Variants in SMARCA4 observed in about 807,000 individuals in gnomAD.
SMARCA4 encodes the protein SWI/SNF-related matrix-associated actin-dependent regulator of chromatin subfamily A member 4.
SMARCA4 carries 31 observed loss-of-function variants against 193.9 expected under a neutral mutation model. That is an observed-to-expected ratio of 0.16 (90% CI 0.12 to 0.22). SMARCA4 has a LOEUF of 0.22. SMARCA4 is among the 10% of genes least tolerant of loss of function. SMARCA4 has a pLI of 1.00. For synonymous variants in SMARCA4, 942 were observed against 933.1 expected, an observed-to-expected ratio of 1.01 and a Z score of -0.17; for missense variants, 1,148 against 2,296.0, an observed-to-expected ratio of 0.50 and a Z score of 10.22.
chr19:10,971,333 A>G (rs73011374), intron 1 of SMARCA4, among the ~76,000 whole-genome samples: 35,423 of 152,094 alleles, frequency 0.23, 4,140 homozygotes, highest in South Asian at 0.26. Context: ...GTAGATAAAT[A>G]ACCACATGGT....
At chr19:10,990,176 C>CA (rs1412142964) in intron 7 of SMARCA4, among the ~76,000 whole-genome samples, 1 of 150,858 alleles carries the variant, frequency 6.6e-6, no homozygotes. Flanking sequence ...TTTTTTGAAA[C>CA]AGAGTCTCAC....
intron 8 of SMARCA4, among the ~76,000 whole-genome samples, chr19:10,993,838 G>A (rs1284598629): frequency 6.6e-6 from 1 of 151,792 alleles, no homozygotes; most frequent in African/African-American, 2.4e-5. Context: ...GTAGAGACGG[G>A]GTTTCACCAT....
intron 1 of SMARCA4, among the ~76,000 whole-genome samples, chr19:10,977,245 CTG>C (rs1348512613): frequency 2.6e-5 from 4 of 152,136 alleles, no homozygotes; most frequent in Non-Finnish European, 2.9e-5. Flanking sequence ...TCTGTTGTTC[CTG>C]AGCATTGCGG....
At chr19:11,026,228 T>C (rs1321497895) in intron 22 of SMARCA4, 72 bp from the exon 23 acceptor site, 1 of 1,180,060 alleles carries the variant, frequency 8.5e-7, no homozygotes, top group Non-Finnish European at 1.3e-6. Context: ...GCACGAGCGG[T>C]GTGTGCGGAC....
chr19:10,962,022 G>A lies in SMARCA4; in HGVS notation c.-32+848G>A, dbSNP rs1037383161. ...AGTGACTCCTTGGGGAAAGTAGCAA[G>A]GGAATAAGCGGAAAAGCCGCTTCGC... On this transcript the variant is annotated intron_variant, in intron 1 of 34. Coordinates refer to ENST00000344626, the MANE Select transcript of SMARCA4 (RefSeq NM_003072.5). Among the ~76,000 whole-genome samples, 201 of 146,334 alleles carry A rather than the reference G, an allele frequency of 1.4e-3. 1 individual carries two copies. Among genetic ancestry groups the A allele is most frequent in the African/African-American group, 5.0e-3 (195 of 39,200 alleles).
At position 11,039,527 on chromosome 19, in the gene SMARCA4, C is replaced by T. The variant is rs746165832; in HGVS notation, c.4171-1780C>T. On this transcript the variant is annotated intron_variant, in intron 29 of 34. Transcript: ENST00000344626. ...ACGTGGGCTACAATTCCAGCGTGGC[C>T]TTCAGTTCTGCACACGTGCGTCAAA... The T allele has an allele frequency of 3.1e-6, 5 of 1,603,074 alleles. No individual in the cohort carries two copies. The highest frequency in any genetic ancestry group is 2.6e-6 in the Non-Finnish European group (3 of 1,175,880).
chr19:11,044,162 C>G (rs531931296), intron 30 of SMARCA4, among the ~76,000 whole-genome samples: 15 of 152,138 alleles, frequency 9.9e-5, no homozygotes, highest in African/African-American at 3.6e-4. Flanking sequence ...CCTGGGTATC[C>G]ACGTAGAGAG....
Position 11,024,438 on chromosome 19 carries a change from G to A in SMARCA4, c.3081G>A (p.Lys1027=). Residue 1027 remains lysine, a splice_region_variant and synonymous_variant, in exon 21 of 35, where the codon AAG becomes AAA. Coordinates refer to ENST00000344626, the MANE Select transcript of SMARCA4 (RefSeq NM_003072.5). ...CTGATGGCTCCGAGAAGGACAAGAA[G>A]GTGGGCCCCAGAGTCCCCCAACTGC... ...LLTDGSEKDK[K]GKGGTKTLMN... is the part of the protein sequence containing the mutation. 1 of 1,607,230 alleles carries A rather than the reference G, an allele frequency of 6.2e-7. No individual in the cohort carries two copies. The highest frequency in any genetic ancestry group is 8.5e-7 in the Non-Finnish European group (1 of 1,174,828).
Position 11,035,143 on chromosome 19 carries a change from G to A in SMARCA4, c.4170+11G>A, listed in dbSNP as rs2146705275. On this transcript the variant is annotated intron_variant, in intron 29 of 34. Coordinates refer to ENST00000344626, the MANE Select transcript of SMARCA4 (RefSeq NM_003072.5). Reference sequence around the variant, plus strand: ...AAGCAGTGGCTCAAGGTACATGCTGGAGAGGCCCAGCAGCTGCCGCAGGCC... The same window carrying A: ...AAGCAGTGGCTCAAGGTACATGCTGAAGAGGCCCAGCAGCTGCCGCAGGCC... 6.2e-7 allele frequency: 1 copy of A among 1,607,688 alleles called. No homozygotes were observed. Among genetic ancestry groups the A allele is most frequent in the Non-Finnish European group, 8.5e-7 (1 of 1,177,670 alleles).
At chr19:11,029,257 A>G (rs2090476068) in intron 24 of SMARCA4, among the ~76,000 whole-genome samples, 2 of 152,304 alleles carry the variant, frequency 1.3e-5, no homozygotes, top group Admixed American at 6.5e-5. Flanking sequence ...GAGAGGGCCA[A>G]GGCTTCCTGA....
rs1392263235 is a variant in SMARCA4 at position 11,041,447 on chromosome 19, C to A, written c.4311C>A (p.Ser1437Arg). Reference sequence around the variant, plus strand: ...GCAGCCGCGACAAGGACGACGAGAGCAAGAAGCAGAAGAAGCGCGGGCGGC... The same window carrying A: ...GCAGCCGCGACAAGGACGACGAGAGAAAGAAGCAGAAGAAGCGCGGGCGGC... Reference protein sequence around the residue: ...STRSRDKDDESKKQKKRGRPP... With the variant: ...STRSRDKDDERKKQKKRGRPP... Residue 1437 changes from serine (S) to arginine (R), a missense_variant, in exon 30 of 35, where the codon AGC becomes AGA. Coordinates refer to ENST00000344626, the MANE Select transcript of SMARCA4 (RefSeq NM_003072.5). The surrounding 1 kb of genome is among the most constrained non-coding windows in gnomAD (Gnocchi z 5.6). 5.0e-6 allele frequency: 8 copies of A among 1,612,526 alleles called. No homozygotes were observed. In the Admixed American group the frequency reaches 1.2e-4, roughly 24 times the overall value.
At chr19:10,977,102 C>T (rs767348320) in intron 1 of SMARCA4, among the ~76,000 whole-genome samples, 4 of 152,114 alleles carry the variant, frequency 2.6e-5, no homozygotes, top group Non-Finnish European at 5.9e-5. Flanking sequence ...TCTTGGCAGC[C>T]GGCCAAATCT....
intron 6 of SMARCA4, among the ~76,000 whole-genome samples, chr19:10,988,126 T>C (rs1415439437): frequency 1.4e-5 from 2 of 145,548 alleles, no homozygotes; most frequent in Non-Finnish European, 3.1e-5. Flanking sequence ...TTCTCTCTCT[T>C]TTTTTTTTTT....
chr19:11,031,287 C>A lies in SMARCA4; in HGVS notation c.3546+394C>A. On this transcript the variant is annotated intron_variant, in intron 25 of 34. Transcript: ENST00000344626. This position sits in a 1 kb window ranked among gnomAD's most constrained non-coding sequence, Gnocchi z 4.3. ...TTCAGACACAATTGGGGGTAAACTC[C>A]ATGCCACTTCGTTTACTTCCTCCTC... 1 of 296,426 alleles carries A rather than the reference C, an allele frequency of 3.4e-6. No individual in the cohort carries two copies. The highest frequency in any genetic ancestry group is 3.6e-5 in the South Asian group (1 of 27,444). 18.4% of individuals were successfully genotyped at this position (296,426 alleles called of 1,614,324 possible). A position where few individuals can be genotyped will look rare whatever the true frequency, so the allele number is the denominator to read the frequency against.
In SMARCA4 at chr19:10,997,433, C is replaced by T. The variant is rs762636720; in HGVS notation, c.1812+889C>T. Among the ~76,000 whole-genome samples the T allele has an allele frequency of 3.3e-5, 5 of 151,458 alleles. No individual in the cohort carries two copies. The South Asian group carries it at 8.3e-4, about 25-fold the overall frequency. ...CAGGATGGTTTCAATCTCCTGACCTCGTGAACATCGGCCTCCCAAAATGCT... is the reference window on the plus strand; with the variant it reads ...CAGGATGGTTTCAATCTCCTGACCTTGTGAACATCGGCCTCCCAAAATGCT... On this transcript the variant is annotated intron_variant, in intron 11 of 34. Transcript: ENST00000344626.
intron 8 of SMARCA4, among the ~76,000 whole-genome samples, chr19:10,993,248 A>G (rs2145912002): frequency 6.6e-6 from 1 of 152,254 alleles, no homozygotes; most frequent in East Asian, 1.9e-4. Context: ...GGCCTTCCAA[A>G]GTGCTGGAAT....
intron 13 of SMARCA4, among the ~76,000 whole-genome samples, chr19:11,006,667 T>C (rs1445029694): frequency 6.6e-6 from 1 of 152,164 alleles, no homozygotes; most frequent in Non-Finnish European, 1.5e-5. Flanking sequence ...AATCAACTGA[T>C]AAACTGCTTT....
chr19:10,986,837 C>A lies in SMARCA4; in HGVS notation c.761-68C>A. 1 of 1,411,820 alleles carries A rather than the reference C, an allele frequency of 7.1e-7. No homozygotes were observed. Among genetic ancestry groups the A allele is most frequent in the Non-Finnish European group, 1.0e-6 (1 of 998,500 alleles). 87.5% of individuals were successfully genotyped at this position (1,411,820 alleles called of 1,614,324 possible). ...CTGTGTCCCCTGGAGCCAGGGCTGC[C>A]CACGGGGCTGGGCGCAGGCATAAAC... On this transcript the variant is annotated intron_variant, in intron 4 of 34. Coordinates refer to ENST00000344626, the MANE Select transcript of SMARCA4 (RefSeq NM_003072.5). The surrounding 1 kb of genome is among the most constrained non-coding windows in gnomAD (Gnocchi z 6.7).
Position 11,059,764 on chromosome 19 carries a change from C to T in SMARCA4, c.4647C>T (p.Asp1549=), listed in dbSNP as rs1260006751. The T allele has an allele frequency of 6.3e-7, 1 of 1,577,468 alleles. No homozygotes were observed. The change falls in exon 33 of 35, where the codon GAC becomes GAT. Residue 1549 remains aspartate, a synonymous_variant. Coordinates refer to ENST00000344626, the MANE Select transcript of SMARCA4 (RefSeq NM_003072.5). ...FNLEGSLIYE[D]SIVLQSVFTS... ...GTGTCTCTGCCCAGATCTATGAAGA[C>T]TCCATCGTCTTGCAGTCGGTCTTCA...
Sources: allele counts gnomAD v4.1 joint callset (sites outside exome capture counted in the v4.1 genomes callset), GRCh38; gene constraint gnomAD v4.1.1; non-coding constraint Gnocchi (gnomAD v3.1); transcripts MANE v1.5; gene names NCBI Gene and HGNC (gene_info 2026-07-23, HGNC 2026-07-21).